Variants in RYR3 observed in about 807,000 individuals in gnomAD.
The protein encoded by RYR3 is ryanodine receptor 3.
Under a neutral mutation model 584.3 loss-of-function variants are expected in RYR3, and 207 were observed. The ratio of observed to expected loss-of-function variants is 0.35; its 90% CI spans 0.32 to 0.40. RYR3 has a LOEUF of 0.40. RYR3 is among the 10% of genes least tolerant of loss of function. The pLI, the probability that RYR3 is intolerant of heterozygous loss-of-function variation, is 1.00. For synonymous variants in RYR3, 2,416 were observed against 2,248.5 expected, an observed-to-expected ratio of 1.07 and a Z score of -2.11; for missense variants, 5,616 against 6,089.2, an observed-to-expected ratio of 0.92 and a Z score of 2.59.
intron 66 of RYR3, among the ~76,000 whole-genome samples, chr15:33,787,231 G>A (rs11855625): frequency 0.37 from 55,814 of 151,982 alleles, 11,073 homozygotes; most frequent in East Asian, 0.79. Context: ...ACCCACATAA[G>A]ATGTAGCCAT....
At chr15:33,756,707 C>G (rs972430462) in intron 59 of RYR3, among the ~76,000 whole-genome samples, 1 of 152,080 alleles carries the variant, frequency 6.6e-6, no homozygotes. Context: ...CAAGCTGTTG[C>G]TTTTTAAAAG....
At chr15:33,779,822 G>A (rs902073262) in intron 64 of RYR3, among the ~76,000 whole-genome samples, 4 of 146,396 alleles carry the variant, frequency 2.7e-5, no homozygotes, top group East Asian at 2.1e-4. Context: ...CCAACATGGC[G>A]AAACCCCGTC....
At chr15:33,490,364 G>A (rs947080154) in intron 2 of RYR3, among the ~76,000 whole-genome samples, 10 of 152,272 alleles carry the variant, frequency 6.6e-5, no homozygotes, top group African/African-American at 2.4e-4. Context: ...TCTTCTTGGA[G>A]CATTTTCATG....
At chr15:33,529,936 C>T (rs1030606912) in intron 3 of RYR3, among the ~76,000 whole-genome samples, 4 of 152,232 alleles carry the variant, frequency 2.6e-5, no homozygotes, top group Non-Finnish European at 4.4e-5. Context: ...TCATGCCTCC[C>T]TCTCCCACTG....
In RYR3 at chr15:33,697,900, G is replaced by A. The variant is rs1431533269; in HGVS notation, c.6153G>A (p.Lys2051=). 2 of 1,611,188 alleles carry A rather than the reference G, an allele frequency of 1.2e-6. No individual in the cohort carries two copies. The highest frequency in any genetic ancestry group is 1.7e-6 in the Non-Finnish European group (2 of 1,177,330). Reference sequence around the variant, plus strand: ...ATCCTAGAGACATAATGAACAACAAGGTGTTTTACCAGCATCCCAACCTCA... The same window carrying A: ...ATCCTAGAGACATAATGAACAACAAAGTGTTTTACCAGCATCCCAACCTCA... The part of the protein sequence containing the change: ...INGLGDIMNN[K]VFYQHPNLMR... Residue 2051 remains lysine (K), a synonymous_variant, in exon 40 of 104, where the codon AAG becomes AAA. Coordinates refer to ENST00000634891, the MANE Select transcript of RYR3 (RefSeq NM_001036.6).
intron 3 of RYR3, among the ~76,000 whole-genome samples, chr15:33,508,837 A>T (rs1352015503): frequency 6.6e-6 from 1 of 152,174 alleles, no homozygotes; most frequent in Non-Finnish European, 1.5e-5. Flanking sequence ...TTGTCTTTAC[A>T]GTAGGGAATA....
chr15:33,678,654 G>C (rs4238569), intron 38 of RYR3, among the ~76,000 whole-genome samples: 25,264 of 152,260 alleles, frequency 0.17, 2,476 homozygotes, highest in Admixed American at 0.31. Context: ...TAGAAAGATA[G>C]AAGTGTACAT....
At chr15:33,428,018 C>T (rs2044790257) in intron 1 of RYR3, among the ~76,000 whole-genome samples, 1 of 152,228 alleles carries the variant, frequency 6.6e-6, no homozygotes, top group South Asian at 2.1e-4. Context: ...TCTCCCTTAT[C>T]AATCCCTATC....
At chr15:33,817,270 G>A (rs1026512313) in intron 75 of RYR3, among the ~76,000 whole-genome samples, 3 of 152,164 alleles carry the variant, frequency 2.0e-5, no homozygotes, top group African/African-American at 7.2e-5. Flanking sequence ...CTGGTTGCAG[G>A]AGGCCACCCC....
chr15:33,821,246 C>G, intron 78 of RYR3, 24 bp from the exon 79 acceptor site: 3 of 1,497,628 alleles, frequency 2.0e-6, no homozygotes, highest in South Asian at 2.4e-5. Context: ...ACCAATCTTT[C>G]CCTGTGATTT....
At chr15:33,559,824 C>T (rs1268669052) in intron 10 of RYR3, among the ~76,000 whole-genome samples, 3 of 152,020 alleles carry the variant, frequency 2.0e-5, no homozygotes, top group African/African-American at 4.8e-5. Context: ...ACAGAAGATA[C>T]GAAATATAAA....
chr15:33,626,708 C>T (rs1401098922), intron 20 of RYR3, among the ~76,000 whole-genome samples: 41 of 152,224 alleles, frequency 2.7e-4, no homozygotes, highest in Non-Finnish European at 8.8e-5. Context: ...GTGACCCAGC[C>T]ACTTCACTCC....
chr15:33,486,004 T>C (rs554786429), intron 2 of RYR3, among the ~76,000 whole-genome samples: 18 of 151,464 alleles, frequency 1.2e-4, no homozygotes, highest in African/African-American at 4.1e-4. Context: ...GGTTAGACAG[T>C]GGCCTGTCTC....
chr15:33,794,348 A>ACATATATCACATATATATATGT (rs369625654), intron 67 of RYR3, among the ~76,000 whole-genome samples: 1 of 58,338 alleles, frequency 1.7e-5, no homozygotes, highest in Admixed American at 1.9e-4. Context: ...TATATATAAA[A>ACATATATCACATATATATATGT]ATATATATAT....
intron 103 of RYR3, 90 bp from the exon 104 acceptor site, chr15:33,865,041 C>T: frequency 1.1e-6 from 1 of 915,238 alleles, no homozygotes; most frequent in East Asian, 2.4e-5. Flanking sequence ...CATCAGTCTT[C>T]CTAAAGGGAG....
chr15:33,443,584 AC>A (rs1194233864), intron 1 of RYR3, among the ~76,000 whole-genome samples: 3 of 152,132 alleles, frequency 2.0e-5, no homozygotes, highest in Admixed American at 6.5e-5. Flanking sequence ...TGTGTTGCTT[AC>A]CTAGGACAGT....
At chr15:33,673,378 A>G (rs2063963337) in intron 38 of RYR3, among the ~76,000 whole-genome samples, 1 of 152,210 alleles carries the variant, frequency 6.6e-6, no homozygotes, top group South Asian at 2.1e-4. Context: ...TCACATTCTG[A>G]AATCTGCTAG....
chr15:33,450,110 A>AAAAAAAAAC (rs2047001724), intron 1 of RYR3, among the ~76,000 whole-genome samples: 3 of 149,896 alleles, frequency 2.0e-5, no homozygotes, highest in African/African-American at 4.9e-5. Context: ...AAAAAAAAAA[A>AAAAAAAAAC]AGCCGGCAAC....
intron 1 of RYR3, among the ~76,000 whole-genome samples, chr15:33,371,081 T>C (rs2040299007): frequency 6.6e-6 from 1 of 152,222 alleles, no homozygotes; most frequent in Non-Finnish European, 1.5e-5. Context: ...TCATATTTAT[T>C]TTGTAACATA....
Sources: allele counts gnomAD v4.1 joint callset (sites outside exome capture counted in the v4.1 genomes callset), GRCh38; gene constraint gnomAD v4.1.1; transcripts MANE v1.5; gene names NCBI Gene and HGNC (gene_info 2026-07-23, HGNC 2026-07-21).